Variants in CCDC51 observed in about 807,000 individuals in gnomAD.
CCDC51 encodes the protein coiled-coil domain containing 51.
CCDC51 carries 25 observed loss-of-function variants against 24.8 expected under a neutral mutation model. The observed-to-expected ratio is 1.01, with a 90% confidence interval of 0.73 to 1.41. CCDC51 has a LOEUF of 1.41. CCDC51 is among the 40% of genes most tolerant of loss of function. CCDC51 has a pLI of 0.00. For synonymous variants in CCDC51, 190 were observed against 204.3 expected (o/e 0.93, Z 0.60); for missense variants, 466 against 519.1 (o/e 0.90, Z 0.99).
rs757100005 is a variant in CCDC51, at chr3:48,435,829, G to A, written c.-8-693C>T. Reference sequence around the variant, plus strand: ...CACAGAGGACTTTTCTTAGGTTCACGCCATACAACTCCGCCCCCAGACTTT... The same window carrying A: ...CACAGAGGACTTTTCTTAGGTTCACACCATACAACTCCGCCCCCAGACTTT... On this transcript the variant is annotated intron_variant, in intron 1 of 3. Transcript: ENST00000395694. This position sits in a 1 kb window ranked among gnomAD's most constrained non-coding sequence, Gnocchi z 4.2. Among the ~76,000 whole-genome samples the A allele has an allele frequency of 2.0e-5, 3 of 151,786 alleles. No individual in the cohort carries two copies. Among genetic ancestry groups the A allele is most frequent in the Non-Finnish European group, 2.9e-5 (2 of 67,988 alleles).
chr3:48,440,348 G>A, upstream of CCDC51: 2 of 1,611,888 alleles, frequency 1.2e-6, no homozygotes, highest in South Asian at 2.2e-5. Flanking sequence ...TGCGGGGACG[G>A]CGGGGTGGGG....
chr3:48,440,525 C>T (rs767582732), upstream of CCDC51: 7 of 1,609,004 alleles, frequency 4.4e-6, no homozygotes, highest in South Asian at 6.6e-5. Flanking sequence ...GTTGAACACG[C>T]TCTGCCTCTC....
chr3:48,436,196 G>C (rs934961152), intron 1 of CCDC51, among the ~76,000 whole-genome samples: 2 of 152,130 alleles, frequency 1.3e-5, no homozygotes, highest in Non-Finnish European at 2.9e-5. Context: ...GCGACACCTG[G>C]TGGCCAACAG....
chr3:48,439,717 T>A (rs1480663918), intron 1 of CCDC51, among the ~76,000 whole-genome samples: 1 of 152,228 alleles, frequency 6.6e-6, no homozygotes, highest in Non-Finnish European at 1.5e-5. Flanking sequence ...GTAGTTTTAC[T>A]ATATTAACAG....
Sources: gnomAD v4.1 joint callset for allele counts (sites outside exome capture counted in the v4.1 genomes callset) on GRCh38, gnomAD v4.1.1 for gene constraint, Gnocchi (gnomAD v3.1) non-coding constraint, MANE v1.5 for transcripts, NCBI Gene and HGNC (gene_info 2026-07-23, HGNC 2026-07-21) for gene names.